The following SNX29 variants were observed in gnomAD, a reference collection of about 807,000 sequenced individuals.
The protein encoded by SNX29 is sorting nexin 29, also known as sorting nexin-29.
Under a neutral mutation model 102.1 loss-of-function variants are expected in SNX29, and 78 were observed. That is an observed-to-expected ratio of 0.76 (90% confidence interval 0.64 to 0.92). The LOEUF is 0.92. SNX29 is among the 40% of genes least tolerant of loss of function. SNX29 has a pLI of 0.00. For missense variants in SNX29, 1,280 were observed against 1,061.7 expected (o/e 1.21, Z -2.86); for synonymous variants, 580 against 414.5 (o/e 1.40, Z -4.85).
At chr16:12,481,443 C>T (rs892299203) in intron 19 of SNX29, among the ~76,000 whole-genome samples, 2 of 124,416 alleles carry the variant, frequency 1.6e-5, no homozygotes, top group African/African-American at 3.3e-5. Flanking sequence ...CATATATACA[C>T]ACACATATAT....
chr16:12,370,115 G>C (rs1235811007), intron 16 of SNX29, among the ~76,000 whole-genome samples: 2 of 151,922 alleles, frequency 1.3e-5, no homozygotes, highest in Non-Finnish European at 2.9e-5. Flanking sequence ...CCAGCTACTC[G>C]GGAGGCTGAA....
At chr16:12,164,019 C>G (rs540292305) in intron 13 of SNX29, among the ~76,000 whole-genome samples, 1 of 152,256 alleles carries the variant, frequency 6.6e-6, no homozygotes, top group East Asian at 1.9e-4. Context: ...TGCAAAGGAC[C>G]TATGGAGTGG....
intron 16 of SNX29, among the ~76,000 whole-genome samples, chr16:12,387,426 A>C (rs111408287): frequency 6.6e-6 from 1 of 152,014 alleles, no homozygotes; most frequent in African/African-American, 2.4e-5. Flanking sequence ...GAAGTGGAGA[A>C]CAGGTTCCCA....
At chr16:12,543,388 CAGA>C (rs1009356303) in intron 20 of SNX29, among the ~76,000 whole-genome samples, 3 of 152,154 alleles carry the variant, frequency 2.0e-5, no homozygotes, top group Non-Finnish European at 2.9e-5. Context: ...CATGATTATC[CAGA>C]AGGAGGGGGC....
In SNX29 at chr16:12,358,583, A is replaced by G. The variant is rs75303052; in HGVS notation, c.1899+2304A>G. Reference sequence around the variant, plus strand: ...GGACTCTAATCTTCCCCTGCTATCCATAAAGAAATTGACCCCTATTGTCTG... The same window carrying G: ...GGACTCTAATCTTCCCCTGCTATCCGTAAAGAAATTGACCCCTATTGTCTG... On this transcript the variant is annotated intron_variant, in intron 16 of 20. Coordinates refer to ENST00000566228, the MANE Select transcript of SNX29 (RefSeq NM_032167.5). Among the ~76,000 whole-genome samples the G allele has an allele frequency of 6.7e-3, 1,027 of 152,196 alleles. 15 individuals carry two copies. Among genetic ancestry groups the G allele is most frequent in the African/African-American group, 0.024 (991 of 41,540 alleles).
At chr16:12,474,055 G>A (rs1041586367) in intron 18 of SNX29, among the ~76,000 whole-genome samples, 5 of 152,034 alleles carry the variant, frequency 3.3e-5, no homozygotes, top group African/African-American at 1.2e-4. Context: ...ACCTTCTCTT[G>A]GGGTCTGGAT....
At chr16:12,515,694 G>A (rs867290030) in intron 19 of SNX29, 6 of 458,592 alleles carry the variant, frequency 1.3e-5, no homozygotes, top group African/African-American at 1.2e-4. Flanking sequence ...TCACGTATCT[G>A]CTTGTTGGCT....
At chr16:12,439,278 A>G (rs1237106882) in intron 18 of SNX29, among the ~76,000 whole-genome samples, 2 of 152,196 alleles carry the variant, frequency 1.3e-5, no homozygotes, top group Non-Finnish European at 2.9e-5. Context: ...GTGACAAGAT[A>G]GTGACACCTA....
chr16:12,437,173 G>A (rs954733175), intron 18 of SNX29, among the ~76,000 whole-genome samples: 2 of 152,232 alleles, frequency 1.3e-5, no homozygotes, highest in Admixed American at 1.3e-4. Flanking sequence ...TTTCAGGGTA[G>A]CCCAAATGAA....
chr16:12,001,355 C>T (rs1016810772), intron 2 of SNX29, among the ~76,000 whole-genome samples: 4 of 152,082 alleles, frequency 2.6e-5, no homozygotes, highest in African/African-American at 7.2e-5. Context: ...TCGGGTGATC[C>T]GCCCAACTCG....
chr16:12,567,960 C>G (rs574140301), intron 20 of SNX29, among the ~76,000 whole-genome samples: 1 of 152,128 alleles, frequency 6.6e-6, no homozygotes, highest in Non-Finnish European at 1.5e-5. Context: ...ATCAGTGTCC[C>G]CCTCTTGGTG....
intron 20 of SNX29, among the ~76,000 whole-genome samples, chr16:12,555,270 G>A (rs1291206274): frequency 9.2e-5 from 14 of 151,550 alleles, no homozygotes; most frequent in African/African-American, 3.1e-4. Flanking sequence ...CCCAGGGTAT[G>A]ACCTCCCAGA....
chr16:12,306,520 GC>G (rs1256103729), intron 15 of SNX29, among the ~76,000 whole-genome samples: 10 of 152,314 alleles, frequency 6.6e-5, no homozygotes, highest in Admixed American at 2.0e-4. Context: ...GTATTACAGA[GC>G]CTTTGAAATC....
intron 14 of SNX29, among the ~76,000 whole-genome samples, chr16:12,275,096 G>T (rs575839263): frequency 6.6e-6 from 1 of 152,252 alleles, no homozygotes; most frequent in African/African-American, 2.4e-5. Context: ...GTCTACTCAG[G>T]TGTTGGAATG....
intron 14 of SNX29, among the ~76,000 whole-genome samples, chr16:12,213,511 C>T (rs1016337519): frequency 6.6e-6 from 1 of 152,070 alleles, no homozygotes; most frequent in Admixed American, 6.5e-5. Flanking sequence ...ACAACATTGA[C>T]TTTATAGAAT....
chr16:12,191,328 C>G (rs1030552930), intron 13 of SNX29, among the ~76,000 whole-genome samples: 2 of 152,194 alleles, frequency 1.3e-5, no homozygotes, highest in African/African-American at 2.4e-5. Context: ...GTGTAGAGGA[C>G]TGGTCCAGTT....
At chr16:12,560,525 A>C (rs2078664429) in intron 20 of SNX29, among the ~76,000 whole-genome samples, 1 of 152,064 alleles carries the variant, frequency 6.6e-6, no homozygotes, top group Admixed American at 6.5e-5. Flanking sequence ...CCACCTTCCA[A>C]GACCATTTCT....
intron 20 of SNX29, among the ~76,000 whole-genome samples, chr16:12,534,094 C>G (rs948438640): frequency 4.6e-5 from 7 of 152,196 alleles, no homozygotes; most frequent in African/African-American, 1.7e-4. Context: ...CACTTGACCC[C>G]AGGGGATCGC....
chr16:12,156,503 C>T (rs1223263861), intron 13 of SNX29, among the ~76,000 whole-genome samples: 1 of 152,124 alleles, frequency 6.6e-6, no homozygotes, highest in Non-Finnish European at 1.5e-5. Context: ...GCGCAGGTTG[C>T]CTGGGTTTCC....
Sources: gnomAD v4.1 joint callset for allele counts (sites outside exome capture counted in the v4.1 genomes callset) on GRCh38, gnomAD v4.1.1 for gene constraint, MANE v1.5 for transcripts, NCBI Gene and HGNC (gene_info 2026-07-23, HGNC 2026-07-21) for gene names.